The following MCC variants were observed in gnomAD, a reference collection of about 807,000 sequenced individuals.
The protein encoded by MCC is MCC regulator of Wnt signaling pathway.
MCC carries 90 observed loss-of-function variants against 116.2 expected under a neutral mutation model. The ratio of observed to expected loss-of-function variants is 0.77; its 90% CI spans 0.65 to 0.92. The LOEUF is 0.92. Among genes scored for constraint, MCC ranks in the 40% least tolerant of loss-of-function variants. The pLI, the probability that MCC is intolerant of heterozygous loss-of-function variation, is 0.00. For missense variants in MCC, 1,516 were observed against 1,312.2 expected (o/e 1.16, Z -2.40); for synonymous variants, 578 against 510.5 (o/e 1.13, Z -1.78).
chr5:113,244,331 C>T (rs896413080), intron 3 of MCC, among the ~76,000 whole-genome samples: 9 of 152,122 alleles, frequency 5.9e-5, no homozygotes, highest in African/African-American at 1.2e-4. Flanking sequence ...AGTAGGTTTA[C>T]AACTTAAAGC....
intron 17 of MCC, among the ~76,000 whole-genome samples, chr5:113,033,401 T>A (rs1002985600): frequency 2.0e-5 from 3 of 152,232 alleles, no homozygotes; most frequent in Non-Finnish European, 2.9e-5. Flanking sequence ...TCTACAGTTT[T>A]CCTCAGATTT....
chr5:113,049,381 G>C, intron 15 of MCC, 82 bp from the exon 16 acceptor site: 1 of 1,252,532 alleles, frequency 8.0e-7, no homozygotes, highest in East Asian at 2.6e-5. Flanking sequence ...GTGGGTGGGG[G>C]GTCCCCGGCT....
chr5:113,080,812 C>CA (rs1236992447), intron 11 of MCC, among the ~76,000 whole-genome samples: 82 of 111,138 alleles, frequency 7.4e-4, no homozygotes, highest in East Asian at 2.8e-3. Context: ...TTAACAACAA[C>CA]AACAAAAAAA....
intron 2 of MCC, among the ~76,000 whole-genome samples, chr5:113,377,573 G>C (rs1232608328): frequency 6.6e-6 from 1 of 152,192 alleles, no homozygotes; most frequent in Non-Finnish European, 1.5e-5. Context: ...CAGTAATCAA[G>C]AGATGAGGGA....
At chr5:113,455,398 C>T (rs990101959) in intron 1 of MCC, among the ~76,000 whole-genome samples, 1 of 152,118 alleles carries the variant, frequency 6.6e-6, no homozygotes, top group African/African-American at 2.4e-5. Flanking sequence ...CCACCACCAC[C>T]CCACCTGCAC....
At chr5:113,368,525 C>G (rs1181139823) in intron 2 of MCC, among the ~76,000 whole-genome samples, 2 of 152,066 alleles carry the variant, frequency 1.3e-5, no homozygotes, top group Non-Finnish European at 2.9e-5. Flanking sequence ...ATTTCCTTGT[C>G]TTTTCCCTCC....
At chr5:113,103,314 T>TG (rs1376339438) in intron 7 of MCC, among the ~76,000 whole-genome samples, 1 of 152,200 alleles carries the variant, frequency 6.6e-6, no homozygotes, top group African/African-American at 2.4e-5. Context: ...CCAGACCCTG[T>TG]GGCTTTGTCC....
intron 3 of MCC, among the ~76,000 whole-genome samples, chr5:113,277,283 G>T (rs956532166): frequency 2.0e-5 from 3 of 151,504 alleles, no homozygotes; most frequent in Non-Finnish European, 4.4e-5. Context: ...CAGCAGAATC[G>T]CTTGAACCCA....
intron 3 of MCC, among the ~76,000 whole-genome samples, chr5:113,185,851 T>C (rs1300104812): frequency 6.6e-6 from 1 of 152,130 alleles, no homozygotes; most frequent in Non-Finnish European, 1.5e-5. Flanking sequence ...TCTTAGGGTA[T>C]AGTAACAGAG....
At chr5:113,240,850 G>A (rs1043651819) in intron 3 of MCC, among the ~76,000 whole-genome samples, 26 of 152,294 alleles carry the variant, frequency 1.7e-4, no homozygotes, top group African/African-American at 6.0e-4. Flanking sequence ...AACACCTTGA[G>A]GACCAGACCC....
At chr5:113,416,668 A>G in intron 1 of MCC, among the ~76,000 whole-genome samples, 1 of 152,186 alleles carries the variant, frequency 6.6e-6, no homozygotes, top group South Asian at 2.1e-4. Context: ...ATGCCCTTGG[A>G]CAGTTAGATG....
In MCC at chr5:113,327,561, A is replaced by AATATATATATATATATAT. The variant is rs869214073; in HGVS notation, c.627+12940_627+12957dup. On this transcript the variant is annotated intron_variant, in intron 3 of 18. Transcript: ENST00000408903. ...ACTCAGTCTCAAAAAAAAAAAAAAAAATATATATATATATATATATATATA... is the reference window on the plus strand; with the variant it reads ...ACTCAGTCTCAAAAAAAAAAAAAAAAATATATATATATATATATATATATATATATATATATATATATA... Among the ~76,000 whole-genome samples, 256 of 80,438 alleles carry AATATATATATATATATAT rather than the reference A, an allele frequency of 3.2e-3. 1 individual carries two copies. The highest frequency in any genetic ancestry group is 5.3e-3 in the Non-Finnish European group (214 of 40,298). The allele number at this position is 80,438 out of a possible 152,430, so 52.8% of individuals were successfully genotyped here. A position where few individuals can be genotyped will look rare whatever the true frequency, so the allele number is the denominator to read the frequency against.
intron 1 of MCC, among the ~76,000 whole-genome samples, chr5:113,411,445 G>A (rs929066597): frequency 2.6e-4 from 39 of 152,134 alleles, no homozygotes; most frequent in Non-Finnish European, 4.1e-4. Flanking sequence ...CCCACTTGTT[G>A]ATGGGGTTAT....
chr5:113,181,724 G>A (rs1175941125), intron 3 of MCC, among the ~76,000 whole-genome samples: 2 of 152,080 alleles, frequency 1.3e-5, no homozygotes, highest in African/African-American at 2.4e-5. Flanking sequence ...CCAAAATGAA[G>A]ATCATCTGCC....
chr5:113,454,994 C>G (rs1437258512), intron 1 of MCC, among the ~76,000 whole-genome samples: 1 of 152,146 alleles, frequency 6.6e-6, no homozygotes, highest in African/African-American at 2.4e-5. Flanking sequence ...TATCTGACCC[C>G]AGGCTCCAGG....
intron 1 of MCC, among the ~76,000 whole-genome samples, chr5:113,468,414 G>A (rs1252343660): frequency 6.6e-6 from 1 of 152,166 alleles, no homozygotes; most frequent in African/African-American, 2.4e-5. Flanking sequence ...TTTGTCAAAG[G>A]CCTTTTCTGC....
intron 3 of MCC, among the ~76,000 whole-genome samples, chr5:113,205,666 A>T (rs1762884336): frequency 6.6e-6 from 1 of 152,264 alleles, no homozygotes; most frequent in Non-Finnish European, 1.5e-5. Context: ...AAGTTGAAAG[A>T]AAGTCTTAAA....
chr5:113,101,878 C>A lies in MCC; in HGVS notation c.1259G>T (p.Arg420Leu). Residue 420 changes from arginine (R) to leucine (L), a missense_variant, in exon 8 of 19, where the codon CGG becomes CTG. Transcript: ENST00000408903. ...LYPNLAEERS[R>L]WEKELAGLRE... Reference sequence around the variant, plus strand: ...CAGCCCAGCCAGCTCCTTCTCCCACCGAGACCTCTCTTCAGCCAGGTTGGG... The same window carrying A: ...CAGCCCAGCCAGCTCCTTCTCCCACAGAGACCTCTCTTCAGCCAGGTTGGG... 2.5e-6 allele frequency: 4 copies of A among 1,613,958 alleles called. No homozygotes were observed. Among genetic ancestry groups the A allele is most frequent in the Non-Finnish European group, 3.4e-6 (4 of 1,180,042 alleles).
intron 5 of MCC, among the ~76,000 whole-genome samples, chr5:113,131,227 A>T (rs570410554): frequency 6.6e-6 from 1 of 152,306 alleles, no homozygotes; most frequent in South Asian, 2.1e-4. Context: ...AAAAGATCTC[A>T]TGTTTAATTT....
Sources: gnomAD v4.1 joint callset for allele counts (sites outside exome capture counted in the v4.1 genomes callset) on GRCh38, gnomAD v4.1.1 for gene constraint, MANE v1.5 for transcripts, NCBI Gene and HGNC (gene_info 2026-07-23, HGNC 2026-07-21) for gene names.